ANAPC5: variants seen among roughly 807,000 people sequenced by gnomAD.
ANAPC5 encodes the protein anaphase-promoting complex subunit 5.
A neutral mutation model predicts 91.3 loss-of-function variants in ANAPC5; 60 were observed. The ratio of observed to expected loss-of-function variants is 0.66; its 90% CI spans 0.53 to 0.81. The LOEUF (loss-of-function observed/expected upper bound fraction) is 0.81, where lower values mean the gene tolerates loss of function less well. Ranked by LOEUF, ANAPC5 falls within the 40% of genes least tolerant of loss-of-function variation. The pLI is 0.00. For missense variants in ANAPC5, 690 were observed against 931.5 expected (o/e 0.74, Z 3.37); for synonymous variants, 340 against 364.1 (o/e 0.93, Z 0.75).
chr12:121,335,370 TG>T, intron 7 of ANAPC5, 162 bp downstream of exon 7: 1 of 593,590 alleles, frequency 1.7e-6, no homozygotes, highest in Non-Finnish European at 2.7e-6. Context: ...TTCACCATTT[TG>T]GCCAGGCTGG....
At chr12:121,316,522 A>G (rs1445554309) in intron 15 of ANAPC5, among the ~76,000 whole-genome samples, 1 of 152,118 alleles carries the variant, frequency 6.6e-6, no homozygotes, top group South Asian at 2.1e-4. Context: ...TCACGAGGTC[A>G]GGAGATCGAG....
Position 121,352,367 on chromosome 12 carries a change from C to T in ANAPC5, c.-27G>A, listed in dbSNP as rs782570189. ...GCGGCCCGAGACTAAGTCTCGGGCC[C>T]GCGGCGCGCTGCCGCCAGTTGTCAC... is the stretch of plus-strand genomic sequence containing the variant. On this transcript the variant is annotated 5_prime_UTR_variant, in exon 1 of 17. Transcript: ENST00000261819. 1 of 1,567,634 alleles carries T rather than the reference C, an allele frequency of 6.4e-7. No homozygotes were observed. Among genetic ancestry groups the T allele is most frequent in the East Asian group, 2.3e-5 (1 of 44,094 alleles).
At chr12:121,312,255 G>T (rs139346128) in intron 15 of ANAPC5, among the ~76,000 whole-genome samples, 1 of 152,122 alleles carries the variant, frequency 6.6e-6, no homozygotes, top group Non-Finnish European at 1.5e-5. Context: ...AAAATGCAAT[G>T]AGGTGTATAA....
At chr12:121,341,343 G>A (rs1049448279) in intron 5 of ANAPC5, among the ~76,000 whole-genome samples, 4 of 151,884 alleles carry the variant, frequency 2.6e-5, no homozygotes, top group Admixed American at 1.3e-4. Flanking sequence ...GGTGGTGCAC[G>A]CCTGTAATCC....
intron 15 of ANAPC5, among the ~76,000 whole-genome samples, chr12:121,315,123 AG>A (rs1409190045): frequency 2.6e-5 from 4 of 152,192 alleles, no homozygotes; most frequent in Non-Finnish European, 4.4e-5. Context: ...AGTTTGGCAA[AG>A]TTGCAGGATA....
chr12:121,345,852 C>T lies in ANAPC5; in HGVS notation c.577G>A (p.Asp193Asn). 6.2e-7 allele frequency: 1 copy of T among 1,613,184 alleles called. No homozygotes were observed. The highest frequency in any genetic ancestry group is 8.5e-7 in the Non-Finnish European group (1 of 1,179,742). ...GERKMEKEELDVSVREEEVSC... is the reference protein window; with the variant it reads ...GERKMEKEELNVSVREEEVSC... ...AAGCCAAATTACCTTACAGATACATCAAGTTCTTCTTTTTCCATTTTTCTT... is the reference window on the plus strand; with the variant it reads ...AAGCCAAATTACCTTACAGATACATTAAGTTCTTCTTTTTCCATTTTTCTT... The change falls in exon 4 of 17, where the codon GAT becomes AAT. Residue 193 changes from aspartate to asparagine, a missense_variant. This residue lies in a region of ANAPC5 where 238 missense variants were observed against 264.9 expected (regional missense o/e 0.90). Transcript: ENST00000261819.
chr12:121,335,443 G>C, intron 7 of ANAPC5, 90 bp downstream of exon 7: 2 of 1,437,478 alleles, frequency 1.4e-6, no homozygotes, highest in Non-Finnish European at 1.9e-6. Context: ...TGGGACTATA[G>C]GCGTGAGCCA....
In ANAPC5 at chr12:121,352,140, C is replaced by G. The variant is rs1555275447; in HGVS notation, c.201G>C (p.Leu67=). ...RRRLNQLLLP[L]LQGPDITLSK... ...GCCAGCGGGCGCCTCTCACCTGCAG[C>G]AGGGGCAGGAGCAGCTGGTTGAGCC... The change falls in exon 1 of 17, where the codon CTG becomes CTC. Residue 67 remains leucine (L), a synonymous_variant. Transcript: ENST00000261819. 6.2e-7 allele frequency: 1 copy of G among 1,605,218 alleles called. No individual in the cohort carries two copies. Among genetic ancestry groups the G allele is most frequent in the South Asian group, 1.1e-5 (1 of 90,800 alleles).
intron 13 of ANAPC5, among the ~76,000 whole-genome samples, chr12:121,318,868 A>G (rs1902478072): frequency 6.6e-6 from 1 of 152,078 alleles, no homozygotes; most frequent in Non-Finnish European, 1.5e-5. Context: ...AAAATACAAA[A>G]AATTAGCTGG....
chr12:121,352,458 TC>T (rs1391137823), upstream of ANAPC5: 1 of 815,378 alleles, frequency 1.2e-6, no homozygotes, highest in African/African-American at 1.7e-5. Context: ...GAAACAGACA[TC>T]CGCGTGCTCG....
chr12:121,313,144 G>A (rs990234757), intron 15 of ANAPC5, among the ~76,000 whole-genome samples: 4 of 151,972 alleles, frequency 2.6e-5, no homozygotes, highest in African/African-American at 9.7e-5. Context: ...TGGCCAACAT[G>A]GCGAAACCCC....
chr12:121,340,971 AAC>A (rs1593600753), intron 5 of ANAPC5, among the ~76,000 whole-genome samples: 1 of 152,324 alleles, frequency 6.6e-6, no homozygotes, highest in African/African-American at 2.4e-5. Context: ...TGCTGAAAAT[AAC>A]ACAGAAAAAT....
intron 10 of ANAPC5, chr12:121,328,089 A>G (rs782589631): frequency 1.1e-5 from 5 of 469,418 alleles, no homozygotes; most frequent in African/African-American, 1.9e-5. Context: ...TCACCCACCC[A>G]TTACCTCACA....
intron 7 of ANAPC5, chr12:121,332,319 T>C (rs1438543505): frequency 6.6e-6 from 1 of 152,200 alleles, no homozygotes; most frequent in East Asian, 1.9e-4. Flanking sequence ...ATTTTTTCCT[T>C]TAAATCTCTG....
At chr12:121,312,670 G>A (rs1413110643) in intron 15 of ANAPC5, among the ~76,000 whole-genome samples, 9 of 133,146 alleles carry the variant, frequency 6.8e-5, no homozygotes, top group African/African-American at 2.1e-4. Flanking sequence ...TCGCACCACC[G>A]CACTCCAGCC....
At chr12:121,334,776 G>C (rs1281268287) in intron 7 of ANAPC5, 1 of 152,100 alleles carries the variant, frequency 6.6e-6, no homozygotes, top group Admixed American at 6.5e-5. Context: ...CTGCCTTCTG[G>C]CTTTTTGAAA....
chr12:121,319,812 T>A lies in ANAPC5; in HGVS notation c.1522A>T (p.Met508Leu). 6.3e-7 allele frequency: 1 copy of A among 1,598,128 alleles called. No homozygotes were observed. Among genetic ancestry groups the A allele is most frequent in the Non-Finnish European group, 8.5e-7 (1 of 1,173,750 alleles). Residue 508 changes from methionine to leucine, a missense_variant, in exon 13 of 17, where the codon ATG becomes TTG. By Grantham distance (15) the Met-to-Leu change is conservative. Transcript: ENST00000261819. ...PPNSQHAQLW[M>L]LCDQKIQFDR... ...AACTGTATTTTTTGATCACATAGCA[T>A]CCATAACTAGTAAGAAAAAAAAACA... is the stretch of plus-strand genomic sequence containing the variant.
rs1347378458 is a variant in ANAPC5 at position 121,337,001 on chromosome 12, T to C, written c.759+290A>G. Reference sequence around the variant, plus strand: ...TTGGGAGGCCGACGCGGGCAGATCATGAGGTCAGGAGATCAAGACCATCCT... The same window carrying C: ...TTGGGAGGCCGACGCGGGCAGATCACGAGGTCAGGAGATCAAGACCATCCT... On this transcript the variant is annotated intron_variant, in intron 6 of 16. Coordinates refer to ENST00000261819, the MANE Select transcript of ANAPC5 (RefSeq NM_016237.5). 3.3e-5 allele frequency among the ~76,000 whole-genome samples: 5 copies of C among 152,106 alleles called. No homozygotes were observed. In the East Asian group the frequency reaches 9.7e-4, roughly 29 times the overall value.
At chr12:121,331,898 G>A (rs1903055047) in intron 7 of ANAPC5, 1 of 154,478 alleles carries the variant, frequency 6.5e-6, no homozygotes, top group Non-Finnish European at 1.4e-5. Flanking sequence ...TTGGAGTACA[G>A]TGGCACAATC....
Sources: gnomAD v4.1 joint callset for allele counts (sites outside exome capture counted in the v4.1 genomes callset) on GRCh38, gnomAD v4.1.1 for gene constraint, gnomAD v4.1.1 regional missense constraint, MANE v1.5 for transcripts, NCBI Gene and HGNC (gene_info 2026-07-23, HGNC 2026-07-21) for gene names.